Variants in PTPRT observed in about 807,000 individuals in gnomAD.
The protein encoded by PTPRT is protein tyrosine phosphatase receptor type T.
In PTPRT, 56 loss-of-function variants were observed where a neutral mutation model predicts 176.8. The ratio of observed to expected loss-of-function variants is 0.32; its 90% CI spans 0.26 to 0.40. The LOEUF (loss-of-function observed/expected upper bound fraction) is 0.40. Among genes scored for constraint, PTPRT ranks in the 10% least tolerant of loss-of-function variants. The probability of loss-of-function intolerance (pLI) is 1.00; values close to 1 mark genes in which losing one functional copy is unlikely to be tolerated. For synonymous variants in PTPRT, 783 were observed against 739.0 expected (o/e 1.06, Z -0.96); for missense variants, 1,540 against 1,908.2 (o/e 0.81, Z 3.60).
At chr20:42,539,754 C>G (rs2072545325) in intron 7 of PTPRT, among the ~76,000 whole-genome samples, 1 of 150,610 alleles carries the variant, frequency 6.6e-6, no homozygotes, top group Non-Finnish European at 1.5e-5. Context: ...AAGGAACATT[C>G]AGAAAACAAT....
chr20:42,585,810 G>GAGA (rs896274875), intron 7 of PTPRT, among the ~76,000 whole-genome samples: 6 of 152,228 alleles, frequency 3.9e-5, no homozygotes, highest in Admixed American at 3.9e-4. Flanking sequence ...TTACTCCATG[G>GAGA]AGAAGTGAGG....
chr20:42,926,054 G>C (rs906532016), intron 1 of PTPRT, among the ~76,000 whole-genome samples: 1 of 152,314 alleles, frequency 6.6e-6, no homozygotes, highest in East Asian at 1.9e-4. Context: ...CCCCTCTCAG[G>C]GGGTGTAGGC....
chr20:42,978,869 T>C (rs1983113823), intron 1 of PTPRT, among the ~76,000 whole-genome samples: 1 of 152,194 alleles, frequency 6.6e-6, no homozygotes, highest in African/African-American at 2.4e-5. Flanking sequence ...GTTCAGCATA[T>C]CATCAAGAAA....
chr20:43,023,462 G>T (rs547334263), intron 1 of PTPRT, among the ~76,000 whole-genome samples: 112 of 152,128 alleles, frequency 7.4e-4, no homozygotes, highest in Non-Finnish European at 1.4e-3. Flanking sequence ...CCAAATAGGT[G>T]GCCCATGCTG....
rs146114832 is a variant in PTPRT at position 42,291,998 on chromosome 20, A to G, written c.2140-9473T>C. On this transcript the variant is annotated intron_variant, in intron 12 of 30. Transcript: ENST00000373187. ...GAGAAGAAGGTGGTGGTATAGTCGA[A>G]TGATGAGATGGTGGTGCCTTAGACC... Among the ~76,000 whole-genome samples, 1,436 of 152,278 alleles carry G rather than the reference A, an allele frequency of 9.4e-3. 14 individuals are homozygous for G. Among genetic ancestry groups the G allele is most frequent in the South Asian group, 0.034 (165 of 4,828 alleles).
chr20:42,310,946 G>T (rs1220820320), intron 12 of PTPRT, among the ~76,000 whole-genome samples: 2 of 152,150 alleles, frequency 1.3e-5, no homozygotes, highest in Non-Finnish European at 2.9e-5. Flanking sequence ...TATAGTGCAT[G>T]CCACACTTGA....
At chr20:42,703,363 A>G (rs569752903) in intron 6 of PTPRT, among the ~76,000 whole-genome samples, 93 of 152,334 alleles carry the variant, frequency 6.1e-4, no homozygotes, top group Admixed American at 2.4e-3. Flanking sequence ...AGTAACAAAA[A>G]CAAAGATAGT....
chr20:43,090,097 T>C lies in PTPRT; in HGVS notation c.88+99549A>G, dbSNP rs541848676. Among the ~76,000 whole-genome samples the C allele has an allele frequency of 2.0e-5, 3 of 152,184 alleles. No homozygotes were observed. The South Asian group carries it at 6.2e-4, about 32-fold the overall frequency. ...AAAATGAATAAACAATCCAAATCAT[T>C]AATGCTGGTGGAGGCAAACAATACC... On this transcript the variant is annotated intron_variant, in intron 1 of 30. Coordinates refer to ENST00000373187, the MANE Select transcript of PTPRT (RefSeq NM_007050.6).
Position 42,074,136 on chromosome 20 carries a change from A to T in PTPRT, c.*6743T>A. The T allele has an allele frequency of 4.4e-6, 1 of 228,264 alleles. No individual in the cohort carries two copies. Among genetic ancestry groups the T allele is most frequent in the East Asian group, 6.3e-5 (1 of 15,978 alleles). 14.1% of individuals were successfully genotyped at this position (228,264 alleles called of 1,614,324 possible). On this transcript the variant is annotated 3_prime_UTR_variant, in exon 31 of 31. Transcript: ENST00000373187. ...GAAGCCTAACTTTACATGGAATGAC[A>T]CCACTCTGCCCTCTAAGCCTCCAGA...
At chr20:42,306,647 T>A (rs1471266676) in intron 12 of PTPRT, among the ~76,000 whole-genome samples, 2 of 152,192 alleles carry the variant, frequency 1.3e-5, no homozygotes, top group Non-Finnish European at 2.9e-5. Context: ...CGTGGGGGCC[T>A]CTGGGTCACA....
intron 2 of PTPRT, among the ~76,000 whole-genome samples, chr20:42,822,406 T>A (rs2077910932): frequency 6.6e-6 from 1 of 152,318 alleles, no homozygotes; most frequent in South Asian, 2.1e-4. Context: ...TATCTCAAGA[T>A]AGATTAAAGA....
At chr20:42,068,933 A>C (rs1481253239), downstream of PTPRT, among the ~76,000 whole-genome samples, 1 of 152,150 alleles carries the variant, frequency 6.6e-6, no homozygotes, top group Non-Finnish European at 1.5e-5. Flanking sequence ...CTATCTCAGC[A>C]CATGTATCTG....
chr20:42,086,726 CAAAAAAAAAAAAAAAA>C (rs367948746), intron 27 of PTPRT, among the ~76,000 whole-genome samples: 1 of 82,242 alleles, frequency 1.2e-5, no homozygotes, highest in Non-Finnish European at 2.2e-5. Context: ...GACTCCATCT[CAAAAAAAAAAAAAAAA>C]AAAAAAAAAA....
intron 6 of PTPRT, among the ~76,000 whole-genome samples, chr20:42,751,459 A>T (rs556897451): frequency 2.7e-4 from 41 of 152,264 alleles, no homozygotes; most frequent in African/African-American, 9.9e-4. Context: ...GGTTAATATT[A>T]AGTGTTAACT....
At chr20:42,563,736 G>T (rs897244843) in intron 7 of PTPRT, among the ~76,000 whole-genome samples, 11 of 152,166 alleles carry the variant, frequency 7.2e-5, no homozygotes, top group Non-Finnish European at 1.0e-4. Flanking sequence ...ACTGAAGTAG[G>T]TTGCAAAAAA....
chr20:43,057,133 G>T (rs528914495), intron 1 of PTPRT, among the ~76,000 whole-genome samples: 1 of 150,074 alleles, frequency 6.7e-6, no homozygotes, highest in African/African-American at 2.5e-5. Flanking sequence ...GGGGAAGAGT[G>T]TGTCTCTTAA....
intron 9 of PTPRT, among the ~76,000 whole-genome samples, chr20:42,411,684 T>C (rs1390483952): frequency 1.3e-5 from 2 of 151,830 alleles, no homozygotes; most frequent in Non-Finnish European, 2.9e-5. Context: ...GAAAAATAAA[T>C]ATTAGAAGCA....
intron 1 of PTPRT, among the ~76,000 whole-genome samples, chr20:43,126,323 C>G (rs546843262): frequency 3.3e-5 from 5 of 151,294 alleles, no homozygotes; most frequent in East Asian, 1.9e-4. Flanking sequence ...TGCACTCTAG[C>G]CTGGGCAACA....
At chr20:42,641,555 G>T (rs1031252984) in intron 7 of PTPRT, among the ~76,000 whole-genome samples, 2 of 152,020 alleles carry the variant, frequency 1.3e-5, no homozygotes, top group East Asian at 1.9e-4. Context: ...TACAGACTTT[G>T]GAAAAGTCCC....
Sources: allele counts gnomAD v4.1 joint callset (sites outside exome capture counted in the v4.1 genomes callset), GRCh38; gene constraint gnomAD v4.1.1; transcripts MANE v1.5; gene names NCBI Gene and HGNC (gene_info 2026-07-23, HGNC 2026-07-21).